The following CAMK2A variants were observed in gnomAD, a reference collection of about 807,000 sequenced individuals.
The protein encoded by CAMK2A is calcium/calmodulin-dependent protein kinase type II subunit alpha.
In CAMK2A, 7 loss-of-function variants were observed where a neutral mutation model predicts 79.2. That is an observed-to-expected ratio of 0.09 (90% CI 0.05 to 0.17). The LOEUF (loss-of-function observed/expected upper bound fraction) is 0.17, where lower values mean the gene tolerates loss of function less well. CAMK2A is among the 10% of genes least tolerant of loss of function. CAMK2A has a pLI of 1.00. For missense variants in CAMK2A, 214 were observed against 646.4 expected (o/e 0.33, Z 7.25); for synonymous variants, 242 against 251.7 (o/e 0.96, Z 0.36).
At chr5:150,234,769 C>G (rs1754993321) in intron 15 of CAMK2A, among the ~76,000 whole-genome samples, 1 of 152,108 alleles carries the variant, frequency 6.6e-6, no homozygotes, top group Non-Finnish European at 1.5e-5. Flanking sequence ...TGGTTGGAAC[C>G]CAGGGCTTGT....
rs1411553063 is a variant in CAMK2A at position 150,222,482 on chromosome 5, C to T, written c.*228G>A. 1 of 704,018 alleles carries T rather than the reference C, an allele frequency of 1.4e-6. No individual in the cohort carries two copies. The highest frequency in any genetic ancestry group is 1.7e-5 in the African/African-American group (1 of 57,350). The allele number at this position is 704,018 out of a possible 1,614,324, so 43.6% of individuals were successfully genotyped here. A position where few individuals can be genotyped will look rare whatever the true frequency, so the allele number is the denominator to read the frequency against. On this transcript the variant is annotated 3_prime_UTR_variant, in exon 19 of 19. Transcript: ENST00000671881. ...CATGCCTGAGGAAGCCCCAGCCTGG[C>T]AGGGGAGAGGGTGGGGGTGAGAGGT... is the stretch of plus-strand genomic sequence containing the variant.
chr5:150,237,244 T>G (rs1405103953), intron 15 of CAMK2A, among the ~76,000 whole-genome samples: 2 of 152,168 alleles, frequency 1.3e-5, no homozygotes, highest in African/African-American at 4.8e-5. Flanking sequence ...GAATCACAAT[T>G]TTACAAAAAT....
intron 16 of CAMK2A, among the ~76,000 whole-genome samples, chr5:150,229,961 G>A (rs943710778): frequency 2.6e-5 from 4 of 152,160 alleles, no homozygotes; most frequent in Non-Finnish European, 4.4e-5. Flanking sequence ...TCCAGAGGGA[G>A]CCAGTGACCT....
intron 1 of CAMK2A, 81 bp from the exon 2 acceptor site, chr5:150,273,240 GC>G: frequency 9.6e-7 from 1 of 1,040,160 alleles, no homozygotes; most frequent in Non-Finnish European, 1.5e-6. Flanking sequence ...TCACATCACT[GC>G]CCCACGCTAG....
At chr5:150,276,469 T>A (rs959796716) in intron 1 of CAMK2A, among the ~76,000 whole-genome samples, 1 of 151,970 alleles carries the variant, frequency 6.6e-6, no homozygotes, top group African/African-American at 2.4e-5. Context: ...AGATGGGGTG[T>A]TAGGAATAGG....
At chr5:150,246,221 G>A (rs1277075442) in intron 12 of CAMK2A, among the ~76,000 whole-genome samples, 2 of 152,102 alleles carry the variant, frequency 1.3e-5, no homozygotes, top group African/African-American at 2.4e-5. Flanking sequence ...TGACCCCTTC[G>A]AGGCTCTCAT....
At chr5:150,254,033 C>T (rs1755950689) in intron 6 of CAMK2A, among the ~76,000 whole-genome samples, 1 of 152,210 alleles carries the variant, frequency 6.6e-6, no homozygotes, top group Non-Finnish European at 1.5e-5. Context: ...GTTTCCACCT[C>T]AGGGCCTTTG....
At chr5:150,227,370 C>G (rs1754650323) in intron 17 of CAMK2A, among the ~76,000 whole-genome samples, 1 of 152,122 alleles carries the variant, frequency 6.6e-6, no homozygotes, top group African/African-American at 2.4e-5. Flanking sequence ...CTGTGCAAAC[C>G]CATGCTGTTT....
chr5:150,288,937 G>A (rs1242122653), intron 1 of CAMK2A, among the ~76,000 whole-genome samples: 2 of 152,182 alleles, frequency 1.3e-5, no homozygotes, highest in Non-Finnish European at 2.9e-5. Context: ...CCCCGCTACA[G>A]CTTTCCTGAT....
At chr5:150,259,930 C>G (rs1394507767) in intron 3 of CAMK2A, among the ~76,000 whole-genome samples, 1 of 152,062 alleles carries the variant, frequency 6.6e-6, no homozygotes, top group Non-Finnish European at 1.5e-5. Context: ...GATCATGCCA[C>G]TGCACTCCAG....
At chr5:150,247,677 C>A (rs1755630519) in intron 12 of CAMK2A, 95 bp downstream of exon 12, 8 of 974,794 alleles carry the variant, frequency 8.2e-6, no homozygotes, top group Non-Finnish European at 1.1e-5. Context: ...TCTCCCCAGG[C>A]CCAGTGGCCT....
chr5:150,263,982 G>A (rs1230877243), intron 3 of CAMK2A, among the ~76,000 whole-genome samples: 2 of 152,196 alleles, frequency 1.3e-5, no homozygotes. Context: ...GCTTCTCTCT[G>A]GCAGGAGAGT....
At chr5:150,254,682 A>G (rs1755978731) in intron 6 of CAMK2A, among the ~76,000 whole-genome samples, 1 of 152,142 alleles carries the variant, frequency 6.6e-6, no homozygotes. Context: ...GGGCTCGCTT[A>G]GATAGTCCCA....
chr5:150,233,418 G>A (rs1462746135), intron 15 of CAMK2A, among the ~76,000 whole-genome samples: 1 of 152,202 alleles, frequency 6.6e-6, no homozygotes, highest in Non-Finnish European at 1.5e-5. Context: ...ACTGTGAACA[G>A]CTAATTCCCT....
intron 13 of CAMK2A, among the ~76,000 whole-genome samples, chr5:150,241,199 C>T (rs538650818): frequency 1.3e-5 from 2 of 152,352 alleles, no homozygotes; most frequent in East Asian, 3.9e-4. Context: ...ACTTCCAATG[C>T]CCGTGTGCTC....
Position 150,221,854 on chromosome 5 carries a change from T to C in CAMK2A, c.*856A>G, listed in dbSNP as rs1003155463. On this transcript the variant is annotated 3_prime_UTR_variant, in exon 19 of 19. Transcript: ENST00000671881. ...CACAATAATCTGAGAAGTCTAGTTA[T>C]TACATAAATATCCATTAACGCGAAA... The C allele has an allele frequency of 2.7e-6, 1 of 375,452 alleles. No individual in the cohort carries two copies. The highest frequency in any genetic ancestry group is 2.1e-5 in the African/African-American group (1 of 48,130). The allele number at this position is 375,452 out of a possible 1,614,324, so 23.3% of individuals were successfully genotyped here. A position where few individuals can be genotyped will look rare whatever the true frequency, so the allele number is the denominator to read the frequency against.
intron 1 of CAMK2A, among the ~76,000 whole-genome samples, chr5:150,288,304 A>T (rs1580965488): frequency 6.6e-6 from 1 of 152,108 alleles, no homozygotes; most frequent in Non-Finnish European, 1.5e-5. Flanking sequence ...TGCACATTTA[A>T]TGAGTCATGT....
intron 1 of CAMK2A, among the ~76,000 whole-genome samples, chr5:150,276,797 G>C (rs542490488): frequency 4.6e-5 from 7 of 152,320 alleles, no homozygotes; most frequent in African/African-American, 1.7e-4. Flanking sequence ...TGGAGGGATA[G>C]AGGAAGGGAT....
intron 1 of CAMK2A, among the ~76,000 whole-genome samples, chr5:150,289,220 G>A (rs1311850104): frequency 6.6e-6 from 1 of 152,202 alleles, no homozygotes; most frequent in Non-Finnish European, 1.5e-5. Context: ...CAGCTGACTA[G>A]GAAAATCCCT....
Sources: allele counts gnomAD v4.1 joint callset (sites outside exome capture counted in the v4.1 genomes callset), GRCh38; gene constraint gnomAD v4.1.1; transcripts MANE v1.5; gene names NCBI Gene and HGNC (gene_info 2026-07-23, HGNC 2026-07-21).